Variants in SYNJ1 observed in about 807,000 individuals in gnomAD.
SYNJ1 encodes polyphosphatidylinositol phosphatase SYNJ1.
A neutral mutation model predicts 168.2 loss-of-function variants in SYNJ1; 78 were observed. The ratio of observed to expected loss-of-function variants is 0.46; its 90% CI spans 0.39 to 0.56. SYNJ1 has a LOEUF of 0.56. Among genes scored for constraint, SYNJ1 ranks in the 20% least tolerant of loss-of-function variants. The pLI, the probability that SYNJ1 is intolerant of heterozygous loss-of-function variation, is 0.00. For missense variants in SYNJ1, 1,303 were observed against 1,597.6 expected (o/e 0.82, Z 3.14); for synonymous variants, 539 against 548.6 (o/e 0.98, Z 0.24).
chr21:32,666,707 C>T lies in SYNJ1; in HGVS notation c.1812-134G>A, dbSNP rs2040947534. ...AAGGAAGCTTAGGCTGTTTTTGTTT[C>T]CTTTAAAAAGGAAAATCTACAATTT... On this transcript the variant is annotated intron_variant, in intron 15 of 32. Coordinates refer to ENST00000674351, the MANE Select transcript of SYNJ1 (RefSeq NM_203446.3). The T allele has an allele frequency of 1.2e-5, 11 of 906,022 alleles. No individual in the cohort carries two copies. The South Asian group carries it at 3.3e-4, about 27-fold the overall frequency. The allele number at this position is 906,022 out of a possible 1,614,324, so 56.1% of individuals were successfully genotyped here. A position where few individuals can be genotyped will look rare whatever the true frequency, so the allele number is the denominator to read the frequency against.
chr21:32,727,003 G>T (rs964008328), intron 1 of SYNJ1, 86 bp from the exon 2 acceptor site: 4 of 1,515,372 alleles, frequency 2.6e-6, no homozygotes, highest in Admixed American at 2.1e-5. Context: ...GTCCCTCCCC[G>T]CCAGGTTTTG....
Position 32,673,362 on chromosome 21 carries a change from T to G in SYNJ1, c.1704A>C (p.Leu568Phe), listed in dbSNP as rs761567892. 6.2e-7 allele frequency: 1 copy of G among 1,608,764 alleles called. No homozygotes were observed. Among genetic ancestry groups the G allele is most frequent in the African/African-American group, 1.3e-5 (1 of 74,724 alleles). Reference sequence around the variant, plus strand: ...AACCTTGAAACTCCTGGATGCCAGCTAACTTGGGTGCATCAAGAAGCCAGT... The same window carrying G: ...AACCTTGAAACTCCTGGATGCCAGCGAACTTGGGTGCATCAAGAAGCCAGT... ...LTDWLLDAPKLAGIQEFQDKR... is the reference protein window; with the variant it reads ...LTDWLLDAPKFAGIQEFQDKR... Residue 568 changes from leucine to phenylalanine, a missense_variant, in exon 14 of 33, where the codon TTA becomes TTC. Leu to Phe is a conservative substitution (Grantham distance 22). Transcript: ENST00000674351.
At chr21:32,719,107 T>C (rs1229716178) in intron 2 of SYNJ1, among the ~76,000 whole-genome samples, 1 of 152,182 alleles carries the variant, frequency 6.6e-6, no homozygotes, top group African/African-American at 2.4e-5. Context: ...CTGAACTGAA[T>C]GAAATAAAGT....
chr21:32,700,811 T>C (rs550501015), intron 3 of SYNJ1, among the ~76,000 whole-genome samples: 2 of 152,286 alleles, frequency 1.3e-5, no homozygotes, highest in East Asian at 1.9e-4. Context: ...AATAGTAAAG[T>C]TGAAAAAATG....
chr21:32,702,064 T>C lies in SYNJ1; in HGVS notation c.125-17A>G, dbSNP rs113560074. ...CTGCAGATGCTACAAAAAAAAGTTT[T>C]AGTTTAAGAAAAATGACCTGAAACA... On this transcript the variant is annotated splice_polypyrimidine_tract_variant and intron_variant, in intron 2 of 32. Transcript: ENST00000674351. 5.5e-5 allele frequency: 85 copies of C among 1,544,030 alleles called. No homozygotes were observed. In the African/African-American group the frequency reaches 9.5e-4, roughly 17 times the overall value.
intron 2 of SYNJ1, among the ~76,000 whole-genome samples, chr21:32,715,445 G>A (rs2042988362): frequency 6.6e-6 from 1 of 151,428 alleles, no homozygotes; most frequent in Non-Finnish European, 1.5e-5. Flanking sequence ...CTGCACTCCA[G>A]CCTGGGCAAC....
intron 6 of SYNJ1, among the ~76,000 whole-genome samples, chr21:32,691,466 T>C (rs1459942448): frequency 6.6e-6 from 1 of 152,196 alleles, no homozygotes; most frequent in Non-Finnish European, 1.5e-5. Flanking sequence ...TACTCAGACT[T>C]GGGTATTTCT....
intron 31 of SYNJ1, among the ~76,000 whole-genome samples, chr21:32,638,682 G>A (rs1238942130): frequency 6.6e-6 from 1 of 152,016 alleles, no homozygotes; most frequent in East Asian, 1.9e-4. Flanking sequence ...GGGAGACAGA[G>A]CAAGACTTCG....
chr21:32,640,845 C>T (rs924421025), intron 29 of SYNJ1, among the ~76,000 whole-genome samples: 2 of 152,294 alleles, frequency 1.3e-5, no homozygotes, highest in South Asian at 4.1e-4. Context: ...CATATGTTTG[C>T]TGAAGGATCT....
chr21:32,685,329 G>A (rs376131964), intron 9 of SYNJ1, among the ~76,000 whole-genome samples: 1 of 149,324 alleles, frequency 6.7e-6, no homozygotes, highest in East Asian at 2.0e-4. Context: ...GCTCATGCCT[G>A]TAAACCTAGC....
At chr21:32,678,850 C>T (rs758037623) in intron 11 of SYNJ1, 49 bp from the exon 12 acceptor site, 70 of 1,576,398 alleles carry the variant, frequency 4.4e-5, no homozygotes, top group Non-Finnish European at 5.6e-5. Context: ...TTAAATATTA[C>T]TGATTTTACT....
rs144728126 is a variant in SYNJ1 at position 32,717,825 on chromosome 21, G to C, written c.124+8947C>G. The stretch of plus-strand genomic sequence containing the variant: ...GCAACTGTCTCATCTCTAGTACACA[G>C]CCCTGAGATTCTGGCTGCCTTGGCC... On this transcript the variant is annotated intron_variant, in intron 2 of 32. Coordinates refer to ENST00000674351, the MANE Select transcript of SYNJ1 (RefSeq NM_203446.3). Among the ~76,000 whole-genome samples, 14 of 152,280 alleles carry C rather than the reference G, an allele frequency of 9.2e-5. No individual in the cohort carries two copies. In the East Asian group the frequency reaches 2.7e-3, roughly 29 times the overall value.
chr21:32,688,390 A>C, intron 6 of SYNJ1, 23 bp from the exon 7 acceptor site: 1 of 1,605,488 alleles, frequency 6.2e-7, no homozygotes, highest in Non-Finnish European at 8.5e-7. Context: ...AAATATATTT[A>C]ATCAAACCAA....
Position 32,673,500 on chromosome 21 carries a change from C to T in SYNJ1, c.1566G>A (p.Glu522=), listed in dbSNP as rs1314584710. The change falls in exon 14 of 33, where the codon GAG becomes GAA. Residue 522 remains glutamate (E), a synonymous_variant. Transcript: ENST00000674351. The part of the protein sequence containing the change: ...ASSKVLKSMC[E]NFYKYSKPKK... ...TAGGCTTTGAATATTTGTAGAAATT[C>T]TCACACATGCTCTTTAGTACTTTAG... is the stretch of plus-strand genomic sequence containing the variant. 7.4e-6 allele frequency: 12 copies of T among 1,612,770 alleles called. No individual in the cohort carries two copies. Among genetic ancestry groups the T allele is most frequent in the East Asian group, 2.2e-5 (1 of 44,802 alleles).
intron 4 of SYNJ1, among the ~76,000 whole-genome samples, chr21:32,696,569 G>C (rs577089453): frequency 3.3e-5 from 5 of 152,230 alleles, no homozygotes; most frequent in African/African-American, 1.2e-4. Context: ...CTATCAATTT[G>C]AAAATGAGTT....
At chr21:32,708,139 G>A (rs185990739) in intron 2 of SYNJ1, among the ~76,000 whole-genome samples, 1 of 152,324 alleles carries the variant, frequency 6.6e-6, no homozygotes, top group Admixed American at 6.5e-5. Context: ...CCTGTGGCAG[G>A]GAGTAGTAAG....
chr21:32,675,725 T>A (rs376521995), intron 13 of SYNJ1, among the ~76,000 whole-genome samples: 1 of 152,214 alleles, frequency 6.6e-6, no homozygotes, highest in Non-Finnish European at 1.5e-5. Context: ...GTGAGATTCC[T>A]AGGAATAAAT....
intron 14 of SYNJ1, among the ~76,000 whole-genome samples, chr21:32,672,345 T>G (rs937758914): frequency 6.6e-6 from 1 of 151,904 alleles, no homozygotes; most frequent in African/African-American, 2.4e-5. Context: ...TCTTTTTTTT[T>G]GTTTTTTTGT....
At chr21:32,694,100 C>T in intron 6 of SYNJ1, 128 bp downstream of exon 6, 2 of 613,366 alleles carry the variant, frequency 3.3e-6, no homozygotes, top group Non-Finnish European at 5.1e-6. Flanking sequence ...CCCTTATTTG[C>T]AAATCCAGCT....
Sources: gnomAD v4.1 joint callset for allele counts (sites outside exome capture counted in the v4.1 genomes callset) on GRCh38, gnomAD v4.1.1 for gene constraint, MANE v1.5 for transcripts, NCBI Gene and HGNC (gene_info 2026-07-23, HGNC 2026-07-21) for gene names.